Variants in IL31 observed in about 807,000 individuals in gnomAD.
The protein encoded by IL31 is interleukin-31.
In IL31, 8 loss-of-function variants were observed where a neutral mutation model predicts 7.8. The ratio of observed to expected loss-of-function variants is 1.02; its 90% CI spans 0.60 to 1.84. The LOEUF (loss-of-function observed/expected upper bound fraction) is 1.84. IL31 is among the 40% of genes most tolerant of loss of function. The probability of loss-of-function intolerance (pLI) is 0.00; values close to 1 mark genes in which losing one functional copy is unlikely to be tolerated. For synonymous variants in IL31, 87 were observed against 86.5 expected, an observed-to-expected ratio of 1.01 and a Z score of -0.03; for missense variants, 162 against 205.6, an observed-to-expected ratio of 0.79 and a Z score of 1.30.
chr12:122,173,870 A>C lies in IL31; in HGVS notation c.139T>G (p.Ser47Ala). The change falls in exon 2 of 3, where the codon TCC becomes GCC. Residue 47 changes from serine to alanine, a missense_variant. Ser to Ala is a moderately conservative substitution (Grantham distance 99, BLOSUM62 1). Coordinates refer to ENST00000377035, the MANE Select transcript of IL31 (RefSeq NM_001014336.2). ...TCTTTCAAAAGCATCTTCGAGAGGG[A>C]CTGTAATTCCTCGACTATTTTCTGT... ...DVQKIVEELQ[S>A]LSKMLLKDVE... is the part of the protein sequence containing the mutation. The C allele has an allele frequency of 6.2e-7, 1 of 1,613,994 alleles. No homozygotes were observed. Among genetic ancestry groups the C allele is most frequent in the Admixed American group, 1.7e-5 (1 of 59,984 alleles).
rs1953491700 is a variant in IL31, at chr12:122,172,254, C to T, written c.*158G>A. 1 of 597,148 alleles carries T rather than the reference C, an allele frequency of 1.7e-6. No homozygotes were observed. Among genetic ancestry groups the T allele is most frequent in the African/African-American group, 1.9e-5 (1 of 53,830 alleles). 37.0% of individuals were successfully genotyped at this position (597,148 alleles called of 1,614,324 possible). On this transcript the variant is annotated 3_prime_UTR_variant, in exon 3 of 3. Coordinates refer to ENST00000377035, the MANE Select transcript of IL31 (RefSeq NM_001014336.2). ...TTTTTCAAGGTAATTCACAAATTCA[C>T]ATCTCAGCCCTCCCGGGACTAGCCC...
intron 2 of IL31, 57 bp downstream of exon 2, chr12:122,173,787 G>A: frequency 2.0e-6 from 3 of 1,491,802 alleles, no homozygotes; most frequent in South Asian, 2.4e-5. Context: ...CTCTTTGGAG[G>A]GCAATGGAAG....
At position 122,173,960 on chromosome 12, in the gene IL31, A is replaced by G; in HGVS notation, c.49T>C (p.Cys17Arg). 1 of 1,614,198 alleles carries G rather than the reference A, an allele frequency of 6.2e-7. No homozygotes were observed. Among genetic ancestry groups the G allele is most frequent in the African/African-American group, 1.3e-5 (1 of 75,054 alleles). The change falls in exon 2 of 3, where the codon TGC (cysteine) becomes CGC (arginine). Residue 17 changes from cysteine to arginine, a missense_variant. Cys to Arg is a radical substitution (Grantham distance 180, BLOSUM62 -3). Transcript: ENST00000377035. ...PSTSVLFLFC[C>R]LGGWLASHTL... Reference sequence around the variant, plus strand: ...TGGGAGGCCAGCCAGCCTCCCAGGCAGCAGAACAGAAAGAGCACAGACGTC... The same window carrying G: ...TGGGAGGCCAGCCAGCCTCCCAGGCGGCAGAACAGAAAGAGCACAGACGTC...
chr12:122,173,539 C>G (rs940678232), intron 2 of IL31, among the ~76,000 whole-genome samples: 1 of 152,154 alleles, frequency 6.6e-6, no homozygotes, highest in Non-Finnish European at 1.5e-5. Flanking sequence ...TGAAAATTAG[C>G]TGGGCGTGGT....
At chr12:122,174,033 C>A in intron 1 of IL31, 41 bp from the exon 2 acceptor site, 1 of 1,613,270 alleles carries the variant, frequency 6.2e-7, no homozygotes, top group South Asian at 1.1e-5. Flanking sequence ...CATCACACAC[C>A]CCTGCCCACC....
chr12:122,172,094 A>G lies in IL31; in HGVS notation c.*318T>C. On this transcript the variant is annotated 3_prime_UTR_variant, in exon 3 of 3. Transcript: ENST00000377035. ...AGGGCTCCCCCAGGGAGCATTGACA[A>G]CTCTTAGTACAATAAATATCAATAA... 9.8e-6 allele frequency: 2 copies of G among 204,794 alleles called. No individual in the cohort carries two copies. The highest frequency in any genetic ancestry group is 9.9e-6 in the Non-Finnish European group (1 of 101,334). 12.7% of individuals were successfully genotyped at this position (204,794 alleles called of 1,614,324 possible).
Position 122,173,867 on chromosome 12 carries a change from G to T in IL31, c.142C>A (p.Leu48Ile). The change falls in exon 2 of 3, where the codon CTC (leucine) becomes ATC (isoleucine). Residue 48 changes from leucine to isoleucine, a missense_variant. Coordinates refer to ENST00000377035, the MANE Select transcript of IL31 (RefSeq NM_001014336.2). ...VQKIVEELQS[L>I]SKMLLKDVEE... ...ACATCTTTCAAAAGCATCTTCGAGA[G>T]GGACTGTAATTCCTCGACTATTTTC... 1 of 1,614,002 alleles carries T rather than the reference G, an allele frequency of 6.2e-7. No homozygotes were observed. The highest frequency in any genetic ancestry group is 1.1e-5 in the South Asian group (1 of 91,056).
chr12:122,174,087 G>A (rs1342104594), intron 1 of IL31, 70 bp downstream of exon 1: 1 of 1,613,758 alleles, frequency 6.2e-7, no homozygotes, highest in African/African-American at 1.3e-5. Flanking sequence ...CCTGGGGGTA[G>A]TGCTTCCAGA....
chr12:122,172,668 G>T lies in IL31; in HGVS notation c.239C>A (p.Pro80Gln), dbSNP rs79201004. 12 of 1,613,998 alleles carry T rather than the reference G, an allele frequency of 7.4e-6. No homozygotes were observed. Among genetic ancestry groups the T allele is most frequent in the Non-Finnish European group, 9.3e-6 (11 of 1,180,038 alleles). The change falls in exon 3 of 3, where the codon CCA becomes CAA. Residue 80 changes from proline (P) to glutamine (Q), a missense_variant. Physicochemically the swap from Pro to Gln is moderately conservative, Grantham distance 76. Coordinates refer to ENST00000377035, the MANE Select transcript of IL31 (RefSeq NM_001014336.2). The part of the protein sequence containing the change: ...LPCLSPDAQP[P>Q]NNIHSPAIRA... Reference sequence around the variant, plus strand: ...GATGGCTGGGCTGTGGATGTTGTTTGGCGGCTGGGCGTCAGGGCTGAGACA... The same window carrying T: ...GATGGCTGGGCTGTGGATGTTGTTTTGCGGCTGGGCGTCAGGGCTGAGACA...
At chr12:122,172,831 C>T (rs573685946) in intron 2 of IL31, 90 bp from the exon 3 acceptor site, 37 of 1,007,674 alleles carry the variant, frequency 3.7e-5, no homozygotes, top group Non-Finnish European at 4.8e-5. Context: ...CTCCGTAACC[C>T]GCCTCGTTGA....
chr12:122,174,156 C>T lies in IL31; in HGVS notation c.16+1G>A. On this transcript the variant is annotated splice_donor_variant, in intron 1 of 2. Coordinates refer to ENST00000377035, the MANE Select transcript of IL31 (RefSeq NM_001014336.2). LOFTEE classifies it high-confidence loss of function. ...TCCGGAAGCACCAGGACCAGTGATA[C>T]CTGAGTGAGAGGCCATGGCGAGAGA... 1 of 1,614,142 alleles carries T rather than the reference C, an allele frequency of 6.2e-7. No individual in the cohort carries two copies.
chr12:122,173,471 G>A (rs1230950730), intron 2 of IL31, among the ~76,000 whole-genome samples: 1 of 152,192 alleles, frequency 6.6e-6, no homozygotes, highest in African/African-American at 2.4e-5. Context: ...ATCACTTGAG[G>A]TCAGGAGTTC....
In IL31 at chr12:122,172,187, A is replaced by C. The variant is rs1228564471; in HGVS notation, c.*225T>G. The C allele has an allele frequency of 2.1e-6, 1 of 483,516 alleles. No individual in the cohort carries two copies. The highest frequency in any genetic ancestry group is 1.9e-5 in the African/African-American group (1 of 51,688). The allele number at this position is 483,516 out of a possible 1,614,324, so 30.0% of individuals were successfully genotyped here. ...AGTAAGACTTAAGCCTGCAGAAGAA[A>C]AGCATTCCATAAATACCAAGACTAA... is the stretch of plus-strand genomic sequence containing the variant. On this transcript the variant is annotated 3_prime_UTR_variant, in exon 3 of 3. Transcript: ENST00000377035.
intron 2 of IL31, among the ~76,000 whole-genome samples, chr12:122,173,271 T>A (rs1593139176): frequency 6.6e-6 from 1 of 152,276 alleles, no homozygotes; most frequent in East Asian, 1.9e-4. Context: ...TCATCTTGGG[T>A]TGGTAACAAC....
rs777855306 is a variant in IL31 at position 122,172,715 on chromosome 12, C to T, written c.192G>A (p.Val64=). 6 of 1,612,864 alleles carry T rather than the reference C, an allele frequency of 3.7e-6. No homozygotes were observed. The South Asian group carries it at 6.6e-5, about 18-fold the overall frequency. Residue 64 remains valine (V), a synonymous_variant, in exon 3 of 3, where the codon GTG becomes GTA. Transcript: ENST00000377035. ...GACACGGCAGCGTGTAATTCTGGGA[C>T]ACGAGCACGCCCTTCTCTTCCTCCA... ...KDVEEEKGVL[V]SQNYTLPCLS...
Position 122,172,596 on chromosome 12 carries a change from A to G in IL31, c.311T>C (p.Ile104Thr), listed in dbSNP as rs1308576486. 1 of 1,614,068 alleles carries G rather than the reference A, an allele frequency of 6.2e-7. No individual in the cohort carries two copies. Among genetic ancestry groups the G allele is most frequent in the Non-Finnish European group, 8.5e-7 (1 of 1,180,032 alleles). ...GTCGAGGTGCTCTATGATCTCATCA[A>G]TAACAGATTTGTTGTCTAGCTGTCT... is the stretch of plus-strand genomic sequence containing the variant. ...TIRQLDNKSV[I>T]DEIIEHLDKL... is the part of the protein sequence containing the mutation. The change falls in exon 3 of 3, where the codon ATT becomes ACT. Residue 104 changes from isoleucine (I) to threonine (T), a missense_variant. Ile to Thr is a moderately conservative substitution (Grantham distance 89). Transcript: ENST00000377035.
intron 1 of IL31, 34 bp from the exon 2 acceptor site, chr12:122,174,026 C>G (rs768338321): frequency 4.3e-6 from 7 of 1,613,416 alleles, no homozygotes. Flanking sequence ...GCGCATACAT[C>G]ACACACCCCT....
Position 122,172,606 on chromosome 12 carries a change from T to G in IL31, c.301A>C (p.Lys101Gln). The G allele has an allele frequency of 5.6e-6, 9 of 1,614,152 alleles. No individual in the cohort carries two copies. Among genetic ancestry groups the G allele is most frequent in the Non-Finnish European group, 7.6e-6 (9 of 1,180,016 alleles). Residue 101 changes from lysine to glutamine, a missense_variant, in exon 3 of 3, where the codon AAA becomes CAA. Lys to Gln is a moderately conservative substitution (Grantham distance 53). Transcript: ENST00000377035. ...YLKTIRQLDN[K>Q]SVIDEIIEHL... is the part of the protein sequence containing the mutation. ...TCTATGATCTCATCAATAACAGATTTGTTGTCTAGCTGTCTGATTGTCTTG... is the reference window on the plus strand; with the variant it reads ...TCTATGATCTCATCAATAACAGATTGGTTGTCTAGCTGTCTGATTGTCTTG...
chr12:122,173,968 A>G lies in IL31; in HGVS notation c.41T>C (p.Leu14Pro). ...CAGCCAGCCTCCCAGGCAGCAGAACAGAAAGAGCACAGACGTCGAGGGGCC... is the reference window on the plus strand; with the variant it reads ...CAGCCAGCCTCCCAGGCAGCAGAACGGAAAGAGCACAGACGTCGAGGGGCC... ...HSGPSTSVLF[L>P]FCCLGGWLAS... The change falls in exon 2 of 3, where the codon CTG (leucine) becomes CCG (proline). Residue 14 changes from leucine (L) to proline (P), a missense_variant. Coordinates refer to ENST00000377035, the MANE Select transcript of IL31 (RefSeq NM_001014336.2). The G allele has an allele frequency of 2.5e-6, 4 of 1,614,176 alleles. No homozygotes were observed. Among genetic ancestry groups the G allele is most frequent in the Non-Finnish European group, 3.4e-6 (4 of 1,180,032 alleles).
Sources: gnomAD v4.1 joint callset for allele counts (sites outside exome capture counted in the v4.1 genomes callset) on GRCh38, gnomAD v4.1.1 for gene constraint, MANE v1.5 for transcripts, NCBI Gene and HGNC (gene_info 2026-07-23, HGNC 2026-07-21) for gene names.